AKAP13: variants seen among roughly 807,000 people sequenced by gnomAD.
The protein encoded by AKAP13 is A-kinase anchoring protein 13.
Under a neutral mutation model 264.5 loss-of-function variants are expected in AKAP13, and 80 were observed. The ratio of observed to expected loss-of-function variants is 0.30; its 90% CI spans 0.25 to 0.36. AKAP13 has a LOEUF of 0.36. Among genes scored for constraint, AKAP13 ranks in the 10% least tolerant of loss-of-function variants. The pLI is 1.00. For missense variants in AKAP13, 3,712 were observed against 3,435.2 expected (o/e 1.08, Z -2.01); for synonymous variants, 1,380 against 1,250.2 (o/e 1.10, Z -2.19).
intron 8 of AKAP13, among the ~76,000 whole-genome samples, chr15:85,614,538 T>A (rs968727637): frequency 3.9e-5 from 6 of 152,198 alleles, no homozygotes; most frequent in South Asian, 2.1e-4. Context: ...TTTTTATTTT[T>A]TAAAAAACAT....
intron 1 of AKAP13, among the ~76,000 whole-genome samples, chr15:85,465,470 T>C (rs1309087588): frequency 6.8e-6 from 1 of 147,362 alleles, no homozygotes; most frequent in African/African-American, 2.5e-5. Context: ...CATTTAGCAT[T>C]AGGTATATCT....
chr15:85,387,211 C>T (rs1179796196), intron 1 of AKAP13, among the ~76,000 whole-genome samples: 1 of 151,996 alleles, frequency 6.6e-6, no homozygotes, highest in Non-Finnish European at 1.5e-5. Context: ...TGGTGGGCGC[C>T]TGTAATCCCA....
intron 11 of AKAP13, 57 bp from the exon 12 acceptor site, chr15:85,658,480 A>T (rs2083199471): frequency 1.3e-6 from 2 of 1,511,958 alleles, no homozygotes; most frequent in South Asian, 1.1e-5. Context: ...TGTTTCATGC[A>T]TTTGTATCCC....
chr15:85,432,578 C>T (rs922389906), intron 1 of AKAP13, among the ~76,000 whole-genome samples: 1 of 151,916 alleles, frequency 6.6e-6, no homozygotes, highest in African/African-American at 2.4e-5. Flanking sequence ...GTATATAAAC[C>T]AGGAAAAACT....
At chr15:85,686,512 A>G (rs1279883508) in intron 16 of AKAP13, among the ~76,000 whole-genome samples, 2 of 152,176 alleles carry the variant, frequency 1.3e-5, no homozygotes, top group African/African-American at 2.4e-5. Flanking sequence ...AATGGAGAGA[A>G]AGTAGGCAAT....
At chr15:85,604,561 T>C (rs1159567524) in intron 8 of AKAP13, among the ~76,000 whole-genome samples, 1 of 151,882 alleles carries the variant, frequency 6.6e-6, no homozygotes, top group Non-Finnish European at 1.5e-5. Flanking sequence ...CCTCCCGGGT[T>C]CAAGCAATTC....
chr15:85,610,093 A>G (rs16942194), intron 8 of AKAP13, among the ~76,000 whole-genome samples: 10,681 of 152,300 alleles, frequency 0.07, 398 homozygotes, highest in African/African-American at 0.085. Flanking sequence ...TATTTGCTGA[A>G]TGGGTAAAGA....
intron 1 of AKAP13, among the ~76,000 whole-genome samples, chr15:85,469,859 C>G (rs1204625072): frequency 6.6e-6 from 1 of 152,186 alleles, no homozygotes; most frequent in Non-Finnish European, 1.5e-5. Context: ...GCATTTTTAG[C>G]AGAGAATTGT....
intron 1 of AKAP13, among the ~76,000 whole-genome samples, chr15:85,477,113 C>T (rs1036883842): frequency 6.6e-6 from 1 of 151,840 alleles, no homozygotes; most frequent in Non-Finnish European, 1.5e-5. Context: ...CCTAGAACTC[C>T]CTAAAGTAAA....
chr15:85,461,363 G>A (rs926939011), intron 1 of AKAP13, among the ~76,000 whole-genome samples: 2 of 152,132 alleles, frequency 1.3e-5, no homozygotes, highest in Admixed American at 6.5e-5. Context: ...TGATCTGCCC[G>A]CCTCGGCCTC....
At chr15:85,667,346 A>C (rs1450120244) in intron 13 of AKAP13, among the ~76,000 whole-genome samples, 1 of 152,192 alleles carries the variant, frequency 6.6e-6, no homozygotes, top group Admixed American at 6.5e-5. Flanking sequence ...AAATTTTTCT[A>C]CTTGTTCTGA....
At chr15:85,496,578 T>A (rs2075878850) in intron 2 of AKAP13, among the ~76,000 whole-genome samples, 1 of 152,210 alleles carries the variant, frequency 6.6e-6, no homozygotes, top group Admixed American at 6.5e-5. Context: ...AGTTGCCTCC[T>A]TATAGGGAAG....
chr15:85,415,184 C>T (rs78442454), intron 1 of AKAP13: 37,771 of 1,241,186 alleles, frequency 0.03, 705 homozygotes, highest in Middle Eastern at 0.037. Flanking sequence ...GCTGCCACGC[C>T]GACGCAGACC....
chr15:85,731,260 C>G (rs2088003377), intron 30 of AKAP13, among the ~76,000 whole-genome samples: 1 of 152,148 alleles, frequency 6.6e-6, no homozygotes, highest in Non-Finnish European at 1.5e-5. Flanking sequence ...CCCACCTTGG[C>G]CTCTCAAAGG....
At chr15:85,677,150 T>C in intron 14 of AKAP13, 1 of 985,242 alleles carries the variant, frequency 1.0e-6, no homozygotes, top group Non-Finnish European at 1.2e-6. Context: ...TCTGACCAGC[T>C]CAGAAAATGC....
At chr15:85,533,928 C>G in intron 4 of AKAP13, 48 bp downstream of exon 4, 1 of 1,504,774 alleles carries the variant, frequency 6.6e-7, no homozygotes, top group Non-Finnish European at 8.9e-7. Context: ...TGTGATATTT[C>G]TACTTTTTTT....
intron 1 of AKAP13, among the ~76,000 whole-genome samples, chr15:85,475,452 A>G (rs1596294536): frequency 6.6e-6 from 1 of 152,172 alleles, no homozygotes. Context: ...TTTGCAGGAA[A>G]CCACAAGCCT....
intron 4 of AKAP13, chr15:85,534,125 C>T (rs904566264): frequency 5.6e-5 from 25 of 446,050 alleles, no homozygotes; most frequent in Non-Finnish European, 7.5e-5. Flanking sequence ...CGTCACCTTC[C>T]TGTGGGTCTG....
chr15:85,629,349 T>G (rs1259091073), intron 8 of AKAP13, among the ~76,000 whole-genome samples: 1 of 152,178 alleles, frequency 6.6e-6, no homozygotes, highest in Admixed American at 6.5e-5. Flanking sequence ...TTTCATCAAA[T>G]TACTTTGCCT....
Sources: allele counts gnomAD v4.1 joint callset (sites outside exome capture counted in the v4.1 genomes callset), GRCh38; gene constraint gnomAD v4.1.1; transcripts MANE v1.5; gene names NCBI Gene and HGNC (gene_info 2026-07-23, HGNC 2026-07-21).